CELF2: variants seen among roughly 807,000 people sequenced by gnomAD.
CELF2 encodes CUG triplet repeat RNA-binding protein 2.
CELF2 carries 8 observed loss-of-function variants against 62.6 expected under a neutral mutation model. That is an observed-to-expected ratio of 0.13 (90% confidence interval 0.07 to 0.23). The LOEUF (loss-of-function observed/expected upper bound fraction) is 0.23, where lower values mean the gene tolerates loss of function less well. CELF2 is among the 10% of genes least tolerant of loss of function. The pLI is 1.00. For missense variants in CELF2, 333 were observed against 671.0 expected (o/e 0.50, Z 5.56); for synonymous variants, 258 against 250.0 (o/e 1.03, Z -0.30).
chr10:10,480,193 T>C, the CELF2 span, among the ~76,000 whole-genome samples: 2 of 152,188 alleles, frequency 1.3e-5, no homozygotes, highest in African/African-American at 2.4e-5. Context: ...CCACAAAATA[T>C]AAAACAGTAA....
the CELF2 span, among the ~76,000 whole-genome samples, chr10:10,557,237 C>T: frequency 6.9e-6 from 1 of 144,048 alleles, no homozygotes; most frequent in Non-Finnish European, 1.5e-5. Flanking sequence ...GATCCAGTTT[C>T]AGCTTTCTAC....
intron 1 of CELF2, among the ~76,000 whole-genome samples, chr10:11,023,107 G>A (rs553101865): frequency 2.8e-4 from 43 of 152,184 alleles, no homozygotes; most frequent in South Asian, 2.1e-3. Context: ...TCACATTTTC[G>A]CTTTTTGTTT....
the CELF2 span, among the ~76,000 whole-genome samples, chr10:10,650,787 AAC>A: frequency 2.0e-5 from 3 of 152,384 alleles, no homozygotes; most frequent in Middle Eastern, 6.8e-3. Context: ...CAAAATATTT[AAC>A]ACAGAGTCAC....
chr10:10,648,103 T>C, the CELF2 span, among the ~76,000 whole-genome samples: 2 of 152,112 alleles, frequency 1.3e-5, no homozygotes, highest in African/African-American at 2.4e-5. Flanking sequence ...AAGTATACGA[T>C]TTTATCCACT....
At chr10:10,832,101 C>T (rs1334210087) in intron 1 of CELF2, among the ~76,000 whole-genome samples, 1 of 151,594 alleles carries the variant, frequency 6.6e-6, no homozygotes, top group Non-Finnish European at 1.5e-5. Flanking sequence ...AACCCTGTAT[C>T]TACTAAAAAT....
chr10:11,146,405 G>A (rs1475663609), intron 1 of CELF2, among the ~76,000 whole-genome samples: 1 of 152,218 alleles, frequency 6.6e-6, no homozygotes, highest in East Asian at 1.9e-4. Context: ...AAGATAATGT[G>A]TAAGCATAGC....
At chr10:10,493,986 C>T in the CELF2 span, among the ~76,000 whole-genome samples, 1 of 152,154 alleles carries the variant, frequency 6.6e-6, no homozygotes, top group African/African-American at 2.4e-5. Context: ...TGCTGTCTCC[C>T]CGGTGACCTC....
chr10:10,523,617 A>G, the CELF2 span, among the ~76,000 whole-genome samples: 1 of 152,210 alleles, frequency 6.6e-6, no homozygotes, highest in African/African-American at 2.4e-5. Context: ...TGATCCTTGC[A>G]ACGGGGCTGG....
At chr10:10,860,118 A>G (rs2059969978) in intron 1 of CELF2, among the ~76,000 whole-genome samples, 1 of 152,176 alleles carries the variant, frequency 6.6e-6, no homozygotes, top group African/African-American at 2.4e-5. Flanking sequence ...AAAAATAGAG[A>G]AGTGTGATTA....
chr10:10,930,673 C>A (rs990133516), intron 2 of CELF2, among the ~76,000 whole-genome samples: 5 of 152,146 alleles, frequency 3.3e-5, no homozygotes, highest in African/African-American at 7.2e-5. Context: ...ACGTAAGATA[C>A]AATTTTGCAG....
At chr10:10,724,674 A>AAG in the CELF2 span, among the ~76,000 whole-genome samples, 116 of 143,900 alleles carry the variant, frequency 8.1e-4, 6 homozygotes, top group Admixed American at 1.9e-3. Flanking sequence ...AAAAAAAGAA[A>AAG]AAAGAAAAGT....
intron 2 of CELF2, among the ~76,000 whole-genome samples, chr10:11,179,792 C>T (rs2072659046): frequency 6.6e-6 from 1 of 152,202 alleles, no homozygotes; most frequent in African/African-American, 2.4e-5. Context: ...TTAAGAACAA[C>T]TGCATTGTAC....
chr10:10,587,485 C>T, the CELF2 span, among the ~76,000 whole-genome samples: 2 of 152,100 alleles, frequency 1.3e-5, no homozygotes, highest in Admixed American at 6.5e-5. Flanking sequence ...GTTCAGAAGC[C>T]TTCCCAATTA....
the CELF2 span, among the ~76,000 whole-genome samples, chr10:10,681,640 G>T: frequency 7.3e-4 from 111 of 152,206 alleles, no homozygotes; most frequent in African/African-American, 2.6e-3. Flanking sequence ...ATTTAAAAAA[G>T]TAAAAATGAT....
chr10:10,731,862 G>A, the CELF2 span, among the ~76,000 whole-genome samples: 20 of 152,126 alleles, frequency 1.3e-4, no homozygotes, highest in African/African-American at 4.8e-4. Flanking sequence ...AAGTGAGTCA[G>A]GATAAGCAAA....
chr10:10,820,659 C>G (rs1417869109), intron 1 of CELF2, among the ~76,000 whole-genome samples: 2 of 152,140 alleles, frequency 1.3e-5, no homozygotes, highest in African/African-American at 2.4e-5. Context: ...AGATCTCTCA[C>G]TCAGTTAGGG....
chr10:10,727,046 T>C, the CELF2 span, among the ~76,000 whole-genome samples: 1 of 152,112 alleles, frequency 6.6e-6, no homozygotes, highest in Non-Finnish European at 1.5e-5. Flanking sequence ...GAGAACTCCG[T>C]CACTAGGACA....
At chr10:10,469,359 G>A in the CELF2 span, among the ~76,000 whole-genome samples, 31 of 151,882 alleles carry the variant, frequency 2.0e-4, no homozygotes, top group Non-Finnish European at 3.1e-4. Context: ...TAGAGATAAT[G>A]AAAGTGAACA....
chr10:10,508,294 C>T, the CELF2 span, among the ~76,000 whole-genome samples: 7 of 152,346 alleles, frequency 4.6e-5, no homozygotes, highest in South Asian at 1.4e-3. Context: ...ACTGACCCCA[C>T]TGAGTGACTC....
Sources: gnomAD v4.1 joint callset for allele counts (sites outside exome capture counted in the v4.1 genomes callset) on GRCh38, gnomAD v4.1.1 for gene constraint, MANE v1.5 for transcripts, NCBI Gene and HGNC (gene_info 2026-07-23, HGNC 2026-07-21) for gene names.